Variants in NCKAP5 observed in about 807,000 individuals in gnomAD.
NCKAP5 encodes nck-associated protein 5.
A neutral mutation model predicts 167.0 loss-of-function variants in NCKAP5; 92 were observed. That is an observed-to-expected ratio of 0.55 (90% CI 0.47 to 0.66). The LOEUF is 0.66. Ranked by LOEUF, NCKAP5 falls within the 30% of genes least tolerant of loss-of-function variation. The pLI, the probability that NCKAP5 is intolerant of heterozygous loss-of-function variation, is 0.00. For missense variants in NCKAP5, 2,378 were observed against 2,315.0 expected (o/e 1.03, Z -0.56); for synonymous variants, 891 against 877.4 (o/e 1.02, Z -0.27).
At chr2:132,970,228 G>GA (rs201891187) in intron 7 of NCKAP5, among the ~76,000 whole-genome samples, 2,731 of 152,136 alleles carry the variant, frequency 0.018, 41 homozygotes, top group Non-Finnish European at 0.028. Flanking sequence ...ATTTTAATCA[G>GA]AAAAAATATC....
intron 5 of NCKAP5, among the ~76,000 whole-genome samples, chr2:133,145,879 C>A (rs2083175193): frequency 6.6e-6 from 1 of 152,118 alleles, no homozygotes; most frequent in South Asian, 2.1e-4. Context: ...ATTGCATCGA[C>A]TCCAGTGCTT....
intron 19 of NCKAP5, among the ~76,000 whole-genome samples, chr2:132,688,740 G>A (rs1042861449): frequency 1.3e-5 from 2 of 151,958 alleles, no homozygotes; most frequent in Non-Finnish European, 2.9e-5. Context: ...AAGCCTCTTT[G>A]CTTGTGAGGC....
chr2:133,205,322 G>A (rs1338544565), intron 5 of NCKAP5, among the ~76,000 whole-genome samples: 5 of 152,060 alleles, frequency 3.3e-5, no homozygotes, highest in Non-Finnish European at 5.9e-5. Context: ...TAGATAGACA[G>A]ACAGATAGAT....
chr2:133,330,636 C>A (rs943397060), intron 3 of NCKAP5, among the ~76,000 whole-genome samples: 1 of 152,050 alleles, frequency 6.6e-6, no homozygotes, highest in Non-Finnish European at 1.5e-5. Flanking sequence ...ATGCCTATCA[C>A]CCAAGGCTTT....
intron 6 of NCKAP5, among the ~76,000 whole-genome samples, chr2:133,048,361 T>G (rs1473813953): frequency 6.6e-6 from 1 of 152,232 alleles, no homozygotes; most frequent in Non-Finnish European, 1.5e-5. Flanking sequence ...ATAGAAGGTA[T>G]GCAGTATATG....
chr2:132,702,981 C>T (rs915684361), intron 19 of NCKAP5, among the ~76,000 whole-genome samples: 26 of 152,222 alleles, frequency 1.7e-4, no homozygotes, highest in Non-Finnish European at 2.5e-4. Context: ...AATTTGGAGA[C>T]CAGCCTGGGC....
At chr2:133,265,199 G>A (rs1270648983) in intron 4 of NCKAP5, 1 of 152,184 alleles carries the variant, frequency 6.6e-6, no homozygotes, top group Non-Finnish European at 1.5e-5. Context: ...AGTTAGTGGG[G>A]ATGAAAATAA....
At chr2:133,362,623 A>G (rs1031679289) in intron 3 of NCKAP5, among the ~76,000 whole-genome samples, 80 of 152,322 alleles carry the variant, frequency 5.3e-4, no homozygotes, top group African/African-American at 1.9e-3. Flanking sequence ...AAAGAAATCA[A>G]TGGTCACTAG....
At chr2:133,357,992 C>T (rs1486270240) in intron 3 of NCKAP5, among the ~76,000 whole-genome samples, 1 of 152,170 alleles carries the variant, frequency 6.6e-6, no homozygotes, top group Non-Finnish European at 1.5e-5. Flanking sequence ...TACTTGTGCT[C>T]ACACTATTTC....
intron 5 of NCKAP5, among the ~76,000 whole-genome samples, chr2:133,185,651 T>G (rs1194513364): frequency 1.3e-5 from 2 of 152,092 alleles, no homozygotes; most frequent in African/African-American, 4.8e-5. Flanking sequence ...TCATCAGTGT[T>G]TTATAGTTCT....
At chr2:133,532,608 G>A (rs1178540722) in intron 2 of NCKAP5, among the ~76,000 whole-genome samples, 1 of 151,990 alleles carries the variant, frequency 6.6e-6, no homozygotes, top group African/African-American at 2.4e-5. Flanking sequence ...ATTTATTCAG[G>A]GTTCCTCCTA....
chr2:132,882,818 C>T (rs967525769), intron 8 of NCKAP5, among the ~76,000 whole-genome samples: 6 of 152,134 alleles, frequency 3.9e-5, no homozygotes, highest in Non-Finnish European at 7.3e-5. Flanking sequence ...TCTCCTGCCT[C>T]GTTCCTTTCT....
chr2:132,744,329 T>G (rs1458686512), intron 16 of NCKAP5, among the ~76,000 whole-genome samples: 1 of 151,730 alleles, frequency 6.6e-6, no homozygotes, highest in Non-Finnish European at 1.5e-5. Flanking sequence ...AAATATGTTC[T>G]CTGAGCATCA....
intron 6 of NCKAP5, among the ~76,000 whole-genome samples, chr2:132,998,155 A>G (rs563663827): frequency 2.0e-5 from 3 of 152,352 alleles, no homozygotes; most frequent in African/African-American, 7.2e-5. Context: ...ACTCGGTTAA[A>G]ATGAAATCAT....
chr2:133,262,983 T>A (rs1468864552), intron 4 of NCKAP5, among the ~76,000 whole-genome samples: 1 of 152,184 alleles, frequency 6.6e-6, no homozygotes, highest in Non-Finnish European at 1.5e-5. Flanking sequence ...TCTCATGTTT[T>A]ATAGAAAAAT....
At chr2:133,543,173 T>G (rs1686369331) in intron 2 of NCKAP5, among the ~76,000 whole-genome samples, 1 of 152,128 alleles carries the variant, frequency 6.6e-6, no homozygotes, top group Non-Finnish European at 1.5e-5. Flanking sequence ...TGAGTTAACA[T>G]GAGATCTGGT....
At chr2:133,280,750 A>G (rs769800952) in intron 4 of NCKAP5, among the ~76,000 whole-genome samples, 7 of 152,290 alleles carry the variant, frequency 4.6e-5, no homozygotes, top group Middle Eastern at 3.4e-3. Context: ...GTTCTATGTA[A>G]ATAGCGCTTT....
chr2:132,811,860 C>A lies in NCKAP5; in HGVS notation c.808-15131G>T, dbSNP rs145071005. Among the ~76,000 whole-genome samples, 26 of 152,284 alleles carry A rather than the reference C, an allele frequency of 1.7e-4. No individual in the cohort carries two copies. The East Asian group carries it at 3.7e-3, about 22-fold the overall frequency. ...CTTCTTCCTGTGGAGTTTTACCCCC[C>A]GCTCCTCTGGCCACCTTCCTGATGG... On this transcript the variant is annotated intron_variant, in intron 11 of 19. Transcript: ENST00000409261.
intron 3 of NCKAP5, among the ~76,000 whole-genome samples, chr2:133,451,916 C>T (rs947990492): frequency 2.0e-5 from 3 of 152,156 alleles, no homozygotes; most frequent in Admixed American, 2.0e-4. Flanking sequence ...GTTGTCTTCC[C>T]TCAAGCACAA....
Sources: gnomAD v4.1 joint callset for allele counts (sites outside exome capture counted in the v4.1 genomes callset) on GRCh38, gnomAD v4.1.1 for gene constraint, MANE v1.5 for transcripts, NCBI Gene and HGNC (gene_info 2026-07-23, HGNC 2026-07-21) for gene names.